RGS6: variants seen among roughly 807,000 people sequenced by gnomAD.
RGS6 encodes the protein regulator of G-protein signaling 6.
Under a neutral mutation model 78.5 loss-of-function variants are expected in RGS6, and 30 were observed. The ratio of observed to expected loss-of-function variants is 0.38; its 90% CI spans 0.29 to 0.52. The LOEUF (loss-of-function observed/expected upper bound fraction) is 0.52, where lower values mean the gene tolerates loss of function less well. RGS6 is among the 20% of genes least tolerant of loss of function. The pLI is 0.85. For missense variants in RGS6, 495 were observed against 609.7 expected (o/e 0.81, Z 1.98); for synonymous variants, 206 against 206.0 (o/e 1.00, Z 0.00).
At chr14:72,238,132 G>A (rs1159634992) in intron 2 of RGS6, among the ~76,000 whole-genome samples, 1 of 152,180 alleles carries the variant, frequency 6.6e-6, no homozygotes, top group Non-Finnish European at 1.5e-5. Flanking sequence ...GGCCGTCTCT[G>A]AGGAGGCTCT....
chr14:72,363,757 C>G, intron 3 of RGS6, among the ~76,000 whole-genome samples: 1 of 152,074 alleles, frequency 6.6e-6, no homozygotes, highest in African/African-American at 2.4e-5. Context: ...TTGGAGGCCT[C>G]TATTACAGTG....
chr14:72,253,241 A>G (rs1418961444), intron 2 of RGS6, among the ~76,000 whole-genome samples: 1 of 152,246 alleles, frequency 6.6e-6, no homozygotes, highest in African/African-American at 2.4e-5. Context: ...TACCATAGGA[A>G]ATAGTCCTTC....
intron 2 of RGS6, among the ~76,000 whole-genome samples, chr14:72,314,433 C>CT (rs2069507235): frequency 6.6e-6 from 1 of 152,194 alleles, no homozygotes; most frequent in African/African-American, 2.4e-5. Flanking sequence ...CTCAGGCATC[C>CT]ACTGGCTTAC....
chr14:71,874,867 T>A, the RGS6 span, among the ~76,000 whole-genome samples: 2 of 152,230 alleles, frequency 1.3e-5, no homozygotes, highest in Non-Finnish European at 2.9e-5. Flanking sequence ...TGTTGAATTT[T>A]GTTGAAGGCC....
chr14:72,511,041 G>A (rs916658234), intron 14 of RGS6, among the ~76,000 whole-genome samples: 3 of 152,186 alleles, frequency 2.0e-5, no homozygotes, highest in African/African-American at 7.2e-5. Flanking sequence ...AAAAATTTGG[G>A]AACTTGTTTA....
intron 2 of RGS6, among the ~76,000 whole-genome samples, chr14:72,295,543 C>G (rs1023543469): frequency 5.3e-5 from 8 of 152,136 alleles, no homozygotes; most frequent in African/African-American, 1.9e-4. Context: ...ACAACGGAGG[C>G]AAAATGAAAT....
chr14:72,352,308 C>A, intron 3 of RGS6, 114 bp downstream of exon 3: 1 of 688,604 alleles, frequency 1.5e-6, no homozygotes, highest in Non-Finnish European at 2.4e-6. Context: ...ATGAAACATT[C>A]AGTGTGTTTC....
At chr14:72,268,169 T>G (rs993953446) in intron 2 of RGS6, among the ~76,000 whole-genome samples, 2 of 152,216 alleles carry the variant, frequency 1.3e-5, no homozygotes, top group African/African-American at 4.8e-5. Context: ...TAGGAAACAC[T>G]CATTTGAAAT....
At chr14:72,576,045 G>A in the RGS6 span, among the ~76,000 whole-genome samples, 2 of 152,208 alleles carry the variant, frequency 1.3e-5, no homozygotes, top group Non-Finnish European at 2.9e-5. Context: ...TGAGGCTGCA[G>A]CCATTTGGTT....
the RGS6 span, among the ~76,000 whole-genome samples, chr14:71,873,094 A>G: frequency 6.6e-6 from 1 of 152,204 alleles, no homozygotes; most frequent in Non-Finnish European, 1.5e-5. Flanking sequence ...TAGTGCCGCA[A>G]TAAACATACG....
the RGS6 span, among the ~76,000 whole-genome samples, chr14:71,912,252 T>C: frequency 1.3e-5 from 2 of 152,172 alleles, no homozygotes; most frequent in Non-Finnish European, 2.9e-5. Flanking sequence ...GGGCGAAGTA[T>C]ATAATGGGGC....
intron 17 of RGS6, among the ~76,000 whole-genome samples, chr14:72,548,349 G>A (rs955633692): frequency 8.5e-6 from 1 of 117,494 alleles, no homozygotes; most frequent in Non-Finnish European, 1.6e-5. Flanking sequence ...GTGTGCGCGC[G>A]TGTGTGTGTG....
At chr14:72,547,787 T>C (rs2097430574) in intron 17 of RGS6, among the ~76,000 whole-genome samples, 1 of 152,090 alleles carries the variant, frequency 6.6e-6, no homozygotes, top group South Asian at 2.1e-4. Context: ...GGCCACATTG[T>C]ATCAGCCTGA....
chr14:72,468,246 G>T (rs1306318470), intron 7 of RGS6, among the ~76,000 whole-genome samples: 5 of 152,084 alleles, frequency 3.3e-5, no homozygotes, highest in Non-Finnish European at 7.4e-5. Flanking sequence ...AGGCCTAGTG[G>T]CACACGCCTG....
intron 11 of RGS6, 158 bp downstream of exon 11, chr14:72,476,998 A>G: frequency 1.6e-6 from 1 of 622,992 alleles, no homozygotes; most frequent in South Asian, 2.0e-5. Flanking sequence ...CTGTGTGTGA[A>G]CAAGCCACGG....
chr14:72,604,042 A>C, the RGS6 span, among the ~76,000 whole-genome samples: 1 of 152,216 alleles, frequency 6.6e-6, no homozygotes, highest in African/African-American at 2.4e-5. Flanking sequence ...AACGGGATCC[A>C]AGCCCACACA....
At chr14:72,483,492 A>T (rs535360526) in intron 12 of RGS6, among the ~76,000 whole-genome samples, 2 of 152,246 alleles carry the variant, frequency 1.3e-5, no homozygotes, top group South Asian at 4.1e-4. Context: ...GTGATCATGA[A>T]ATGTAATTAA....
chr14:72,618,068 G>A, the RGS6 span, among the ~76,000 whole-genome samples: 7 of 144,294 alleles, frequency 4.9e-5, no homozygotes, highest in African/African-American at 7.5e-5. Flanking sequence ...ATTTTTTTTT[G>A]AAAACAAGAG....
the RGS6 span, among the ~76,000 whole-genome samples, chr14:71,907,871 G>A: frequency 1.6e-4 from 25 of 152,150 alleles, no homozygotes; most frequent in African/African-American, 6.0e-4. Flanking sequence ...TCTGACAGGA[G>A]CCTAAAGGTA....
Sources: allele counts gnomAD v4.1 joint callset (sites outside exome capture counted in the v4.1 genomes callset), GRCh38; gene constraint gnomAD v4.1.1; transcripts MANE v1.5; gene names NCBI Gene and HGNC (gene_info 2026-07-23, HGNC 2026-07-21).